TNFRSF11A: variants seen among roughly 807,000 people sequenced by gnomAD.
TNFRSF11A encodes the protein tumor necrosis factor receptor superfamily member 11A.
Under a neutral mutation model 55.7 loss-of-function variants are expected in TNFRSF11A, and 32 were observed. That is an observed-to-expected ratio of 0.57 (90% CI 0.43 to 0.77). The LOEUF (loss-of-function observed/expected upper bound fraction) is 0.77, where lower values mean the gene tolerates loss of function less well. Among genes scored for constraint, TNFRSF11A ranks in the 30% least tolerant of loss-of-function variants. The pLI, the probability that TNFRSF11A is intolerant of heterozygous loss-of-function variation, is 0.00. For missense variants in TNFRSF11A, 753 were observed against 809.8 expected (o/e 0.93, Z 0.85); for synonymous variants, 311 against 331.0 (o/e 0.94, Z 0.65).
intron 9 of TNFRSF11A, among the ~76,000 whole-genome samples, chr18:62,377,069 A>G (rs1254221337): frequency 1.3e-5 from 2 of 152,054 alleles, no homozygotes; most frequent in African/African-American, 2.4e-5. Flanking sequence ...GCCTGCCACC[A>G]TGCCCAGCAA....
In TNFRSF11A at chr18:62,385,836, C is replaced by T. The variant is rs573393295; in HGVS notation, c.*802C>T. The stretch of plus-strand genomic sequence containing the variant: ...CCTGCTCACAGTGTTTTAGAGATGG[C>T]TTTCCCAGTGTGTGTTCATTGTAAA... On this transcript the variant is annotated 3_prime_UTR_variant, in exon 10 of 10. Coordinates refer to ENST00000586569, the MANE Select transcript of TNFRSF11A (RefSeq NM_003839.4). The T allele has an allele frequency of 6.6e-5, 10 of 152,358 alleles. No individual in the cohort carries two copies. Among genetic ancestry groups the T allele is most frequent in the Admixed American group, 1.3e-4 (2 of 15,302 alleles). 9.4% of individuals were successfully genotyped at this position (152,358 alleles called of 1,614,324 possible).
intron 1 of TNFRSF11A, among the ~76,000 whole-genome samples, chr18:62,346,010 G>A (rs2046378318): frequency 6.6e-6 from 1 of 152,174 alleles, no homozygotes; most frequent in Admixed American, 6.5e-5. Context: ...ACAGGCACCA[G>A]GGCTTGGAGC....
At chr18:62,362,694 C>T (rs1300383736) in intron 7 of TNFRSF11A, among the ~76,000 whole-genome samples, 3 of 151,022 alleles carry the variant, frequency 2.0e-5, no homozygotes, top group Admixed American at 1.3e-4. Context: ...GTAATTTTTA[C>T]GAAAGGATTC....
At chr18:62,362,578 G>A (rs937472640) in intron 7 of TNFRSF11A, among the ~76,000 whole-genome samples, 2 of 151,364 alleles carry the variant, frequency 1.3e-5, no homozygotes, top group East Asian at 1.9e-4. Flanking sequence ...TAGAATAGAC[G>A]GTCAAGTCTT....
At chr18:62,352,345 A>T (rs1465431531) in intron 3 of TNFRSF11A, among the ~76,000 whole-genome samples, 1 of 152,186 alleles carries the variant, frequency 6.6e-6, no homozygotes, top group East Asian at 1.9e-4. Flanking sequence ...TTTTTCCCCA[A>T]TGGACAGAAT....
chr18:62,340,066 A>G (rs2046289859), intron 1 of TNFRSF11A, among the ~76,000 whole-genome samples: 1 of 152,034 alleles, frequency 6.6e-6, no homozygotes, highest in African/African-American at 2.4e-5. Flanking sequence ...GCATGGGAAG[A>G]TGGCATGAGC....
intron 9 of TNFRSF11A, among the ~76,000 whole-genome samples, chr18:62,370,305 T>C (rs1910446226): frequency 6.6e-6 from 1 of 152,224 alleles, no homozygotes; most frequent in African/African-American, 2.4e-5. Context: ...CAGGGATCTC[T>C]TTGAGAATCT....
rs1459860486 is a variant in TNFRSF11A at position 62,355,041 on chromosome 18, A to G, written c.427+507A>G. On this transcript the variant is annotated intron_variant, in intron 4 of 9. Coordinates refer to ENST00000586569, the MANE Select transcript of TNFRSF11A (RefSeq NM_003839.4). ...TGAAGAAACGAATCCAGGGGAATGT[A>G]AACACCATGGCCATTTGTGCCCACT... 2.6e-5 allele frequency among the ~76,000 whole-genome samples: 4 copies of G among 152,352 alleles called. No individual in the cohort carries two copies. In the East Asian group the frequency reaches 7.7e-4, roughly 29 times the overall value.
In TNFRSF11A at chr18:62,360,043, C is replaced by T; in HGVS notation, c.610C>T (p.Pro204Ser). ...TTCTTCTCTGCCAGCTAGAAAACCA[C>T]CAAATGGTATGTTTAAAAAGAGCCT... Reference protein sequence around the residue: ...CSSSLPARKPPNEPHVYLPGL... With the variant: ...CSSSLPARKPSNEPHVYLPGL... The change falls in exon 6 of 10, where the codon CCA becomes TCA. Residue 204 changes from proline to serine, a missense_variant. This residue lies in a region of TNFRSF11A where 567 missense variants were observed against 596.7 expected (regional missense o/e 0.95). Transcript: ENST00000586569. 6.2e-7 allele frequency: 1 copy of T among 1,613,660 alleles called. No homozygotes were observed. Among genetic ancestry groups the T allele is most frequent in the South Asian group, 1.1e-5 (1 of 91,080 alleles).
chr18:62,357,992 G>A, intron 4 of TNFRSF11A: 1 of 484,918 alleles, frequency 2.1e-6, no homozygotes, highest in South Asian at 2.1e-5. Flanking sequence ...AGTGTTAGTG[G>A]CCTGACATCA....
intron 1 of TNFRSF11A, among the ~76,000 whole-genome samples, chr18:62,327,427 T>C (rs2046091744): frequency 6.6e-6 from 1 of 152,228 alleles, no homozygotes; most frequent in Non-Finnish European, 1.5e-5. Flanking sequence ...ATTGGAATGC[T>C]TTTCTGCTTA....
In TNFRSF11A at chr18:62,340,426, C is replaced by A. The variant is rs140919439; in HGVS notation, c.76-7742C>A. Among the ~76,000 whole-genome samples, 600 of 151,876 alleles carry A rather than the reference C, an allele frequency of 4.0e-3. 4 individuals carry two copies. Among genetic ancestry groups the A allele is most frequent in the African/African-American group, 0.014 (562 of 41,458 alleles). ...AGAGACAGGGTCTCAAACTCCTGAG[C>A]TCAAGCAGTCCTCCCACTTCTGCCT... is the stretch of plus-strand genomic sequence containing the variant. On this transcript the variant is annotated intron_variant, in intron 1 of 9. Coordinates refer to ENST00000586569, the MANE Select transcript of TNFRSF11A (RefSeq NM_003839.4).
chr18:62,327,799 C>G (rs2046096901), intron 1 of TNFRSF11A, among the ~76,000 whole-genome samples: 1 of 152,202 alleles, frequency 6.6e-6, no homozygotes, highest in Non-Finnish European at 1.5e-5. Flanking sequence ...ACCTGAAAGG[C>G]TATAAGTTTT....
At chr18:62,380,324 T>G (rs917743924) in intron 9 of TNFRSF11A, among the ~76,000 whole-genome samples, 8 of 152,266 alleles carry the variant, frequency 5.3e-5, no homozygotes, top group Admixed American at 3.3e-4. Context: ...GACCAATGGT[T>G]GTTTTTGTCA....
chr18:62,368,735 C>A lies in TNFRSF11A; in HGVS notation c.818C>A (p.Thr273Lys). The change falls in exon 9 of 10, where the codon ACG (threonine) becomes AAG (lysine). Residue 273 changes from threonine to lysine, a missense_variant. Transcript: ENST00000586569. The part of the protein sequence containing the change: ...SSGDSCVSTH[T>K]ANFGQQGACE... ...GGTGACAGTTGTGTCAGTACACACA[C>A]GGCAAACTTTGGTCAGCAGGGAGCA... is the stretch of plus-strand genomic sequence containing the variant. 6.2e-7 allele frequency: 1 copy of A among 1,614,166 alleles called. No homozygotes were observed. The highest frequency in any genetic ancestry group is 8.5e-7 in the Non-Finnish European group (1 of 1,180,042).
intron 7 of TNFRSF11A, among the ~76,000 whole-genome samples, chr18:62,362,806 C>G (rs547390244): frequency 6.6e-6 from 1 of 152,172 alleles, no homozygotes; most frequent in East Asian, 1.9e-4. Context: ...GTTTCACCAT[C>G]CTTTTCCATT....
At chr18:62,363,485 C>T (rs1159671915) in intron 7 of TNFRSF11A, among the ~76,000 whole-genome samples, 1 of 151,408 alleles carries the variant, frequency 6.6e-6, no homozygotes, top group Non-Finnish European at 1.5e-5. Flanking sequence ...TCTCCTCCCT[C>T]AGCCTCCTGA....
chr18:62,326,322 C>G (rs566434683), intron 1 of TNFRSF11A, among the ~76,000 whole-genome samples: 1 of 152,190 alleles, frequency 6.6e-6, no homozygotes, highest in African/African-American at 2.4e-5. Flanking sequence ...CATGGAGAAT[C>G]GTGTTTGGGT....
At chr18:62,348,079 A>AAT in intron 1 of TNFRSF11A, 89 bp from the exon 2 acceptor site, 3 of 902,004 alleles carry the variant, frequency 3.3e-6, no homozygotes, top group Non-Finnish European at 3.5e-6. Flanking sequence ...AAAAAAAAAA[A>AAT]GTAATTTGGT....
Sources: allele counts gnomAD v4.1 joint callset (sites outside exome capture counted in the v4.1 genomes callset), GRCh38; gene constraint gnomAD v4.1.1; regional missense constraint gnomAD v4.1.1; transcripts MANE v1.5; gene names NCBI Gene and HGNC (gene_info 2026-07-23, HGNC 2026-07-21).